MED12L: variants seen among roughly 807,000 people sequenced by gnomAD.
MED12L encodes the protein mediator of RNA polymerase II transcription subunit 12-like protein.
MED12L carries 60 observed loss-of-function variants against 281.3 expected under a neutral mutation model. The ratio of observed to expected loss-of-function variants is 0.21; its 90% CI spans 0.17 to 0.26. The LOEUF is 0.26. MED12L is among the 10% of genes least tolerant of loss of function. The probability of loss-of-function intolerance (pLI) is 1.00; values close to 1 mark genes in which losing one functional copy is unlikely to be tolerated. For synonymous variants in MED12L, 974 were observed against 987.2 expected (o/e 0.99, Z 0.25); for missense variants, 2,146 against 2,680.9 (o/e 0.80, Z 4.41).
intron 43 of MED12L, among the ~76,000 whole-genome samples, chr3:151,417,934 G>A (rs1717810057): frequency 6.6e-6 from 1 of 152,172 alleles, no homozygotes; most frequent in Non-Finnish European, 1.5e-5. Flanking sequence ...CCTATCCAAT[G>A]TGTATTAGCA....
chr3:151,306,886 A>C (rs1316217930), intron 16 of MED12L, among the ~76,000 whole-genome samples: 2 of 152,190 alleles, frequency 1.3e-5, no homozygotes, highest in Admixed American at 6.5e-5. Context: ...CAAATGACAG[A>C]GTTATAATAT....
At chr3:151,329,422 C>G in intron 16 of MED12L, 1 of 1,082,922 alleles carries the variant, frequency 9.2e-7, no homozygotes, top group Non-Finnish European at 1.4e-6. Context: ...CCTTTTTTCC[C>G]TTAAGCATAT....
At chr3:151,199,570 A>G (rs1035267261) in intron 16 of MED12L, 3 of 572,838 alleles carry the variant, frequency 5.2e-6, no homozygotes, top group South Asian at 2.4e-5. Context: ...ACCAGACCAT[A>G]TGGCCTGGTG....
intron 21 of MED12L, among the ~76,000 whole-genome samples, chr3:151,362,721 A>C (rs919365816): frequency 6.6e-6 from 1 of 152,166 alleles, no homozygotes; most frequent in Non-Finnish European, 1.5e-5. Flanking sequence ...CACTGAAAAA[A>C]AAATCTGTTG....
chr3:151,434,278 TTATC>T lies in MED12L; in HGVS notation c.*1478_*1481del, dbSNP rs1406441111. On this transcript the variant is annotated 3_prime_UTR_variant, in exon 45 of 45. Coordinates refer to ENST00000687756, the MANE Select transcript of MED12L (RefSeq NM_001393769.1). ...AGTAGACATTTTCTTTTGCAAATCA[TTATC>T]TATAAATAATTTATATCTTCCTGGG... 5 of 152,348 alleles carry T rather than the reference TTATC, an allele frequency of 3.3e-5. No homozygotes were observed. The East Asian group carries it at 9.6e-4, about 29-fold the overall frequency. 9.4% of individuals were successfully genotyped at this position (152,348 alleles called of 1,614,324 possible).
At chr3:151,190,056 C>T (rs1253688959) in intron 13 of MED12L, among the ~76,000 whole-genome samples, 1 of 152,142 alleles carries the variant, frequency 6.6e-6, no homozygotes, top group African/African-American at 2.4e-5. Flanking sequence ...AAAAAGCAGT[C>T]ATGAACTGTT....
intron 16 of MED12L, among the ~76,000 whole-genome samples, chr3:151,306,361 C>A (rs1425982954): frequency 6.6e-6 from 1 of 152,198 alleles, no homozygotes; most frequent in Admixed American, 6.5e-5. Flanking sequence ...GAGCTTTTCT[C>A]TGTGCCTGCC....
At chr3:151,329,649 G>A (rs763663228) in intron 16 of MED12L, 3 of 585,128 alleles carry the variant, frequency 5.1e-6, no homozygotes, top group African/African-American at 3.9e-5. Context: ...AGACCTTTGG[G>A]ACATTTGCTA....
At chr3:151,381,953 A>G (rs6787801) in intron 32 of MED12L, among the ~76,000 whole-genome samples, 75,763 of 152,008 alleles carry the variant, frequency 0.5, 18,976 homozygotes, top group Middle Eastern at 0.57. Flanking sequence ...TCAGAGCATG[A>G]TAGGGTTTTT....
At chr3:151,110,334 A>G (rs1271657242) in intron 2 of MED12L, among the ~76,000 whole-genome samples, 4 of 152,186 alleles carry the variant, frequency 2.6e-5, no homozygotes, top group African/African-American at 9.6e-5. Context: ...AATACCATTA[A>G]GTGTCCATGT....
chr3:151,305,713 T>C lies in MED12L; in HGVS notation c.2251-44346T>C, dbSNP rs531815431. On this transcript the variant is annotated intron_variant, in intron 16 of 44. Coordinates refer to ENST00000687756, the MANE Select transcript of MED12L (RefSeq NM_001393769.1). ...TTGTGGAGTAAAAGTGAAGAATGAT[T>C]CTGGGGGGTTATTTTAGAGGACAGG... 6.6e-5 allele frequency among the ~76,000 whole-genome samples: 10 copies of C among 151,734 alleles called. No individual in the cohort carries two copies. The East Asian group carries it at 7.8e-4, about 12-fold the overall frequency.
chr3:151,172,839 T>G (rs1721599999), intron 11 of MED12L, among the ~76,000 whole-genome samples: 1 of 152,244 alleles, frequency 6.6e-6, no homozygotes, highest in African/African-American at 2.4e-5. Flanking sequence ...GTATTGTGCT[T>G]CAGAAGCTAA....
intron 8 of MED12L, among the ~76,000 whole-genome samples, chr3:151,161,207 T>C (rs769697758): frequency 1.3e-5 from 2 of 152,150 alleles, no homozygotes; most frequent in African/African-American, 2.4e-5. Context: ...GGCAAAGAAA[T>C]CAGTTTGGAA....
At chr3:151,187,374 T>C (rs968143955) in intron 12 of MED12L, among the ~76,000 whole-genome samples, 1 of 152,238 alleles carries the variant, frequency 6.6e-6, no homozygotes, top group Non-Finnish European at 1.5e-5. Context: ...AAGAGGTTCA[T>C]ATATAGATTA....
At chr3:151,316,626 T>C (rs1748284920) in intron 16 of MED12L, 1 of 152,182 alleles carries the variant, frequency 6.6e-6, no homozygotes, top group Admixed American at 6.5e-5. Flanking sequence ...CCTCATACGG[T>C]GTCTTCAAGT....
At position 151,127,931 on chromosome 3, in the gene MED12L, C is replaced by G; in HGVS notation, c.503C>G (p.Ser168Cys). The G allele has an allele frequency of 1.9e-6, 3 of 1,614,066 alleles. No homozygotes were observed. Among genetic ancestry groups the G allele is most frequent in the South Asian group, 1.1e-5 (1 of 91,072 alleles). The change falls in exon 5 of 45, where the codon TCT (serine) becomes TGT (cysteine). Residue 168 changes from serine to cysteine, a missense_variant. Transcript: ENST00000687756. ...WLIKMTCAYY[S>C]AISEAKIKKR... ...ATCAAGATGACTTGTGCCTATTATT[C>G]TGCTATATCTGAAGCTAAAATTAAG...
intron 11 of MED12L, among the ~76,000 whole-genome samples, chr3:151,182,933 G>A (rs950494926): frequency 3.3e-5 from 5 of 152,086 alleles, no homozygotes. Context: ...GGTAAAATGA[G>A]ATCATATGTA....
intron 16 of MED12L, among the ~76,000 whole-genome samples, chr3:151,344,074 G>A (rs1324069067): frequency 1.3e-5 from 2 of 151,938 alleles, no homozygotes. Flanking sequence ...AACGAGTCTT[G>A]GGCATTGAAA....
intron 28 of MED12L, among the ~76,000 whole-genome samples, chr3:151,376,525 T>G (rs1387105793): frequency 6.6e-6 from 1 of 152,224 alleles, no homozygotes; most frequent in African/African-American, 2.4e-5. Flanking sequence ...TTGGGATTGG[T>G]TAAATAGATT....
Sources: gnomAD v4.1 joint callset for allele counts (sites outside exome capture counted in the v4.1 genomes callset) on GRCh38, gnomAD v4.1.1 for gene constraint, MANE v1.5 for transcripts, NCBI Gene and HGNC (gene_info 2026-07-23, HGNC 2026-07-21) for gene names.